The following PPP1R12A variants were observed in gnomAD, a reference collection of about 807,000 sequenced individuals.
PPP1R12A encodes the protein protein phosphatase 1 regulatory subunit 12A.
In PPP1R12A, 19 loss-of-function variants were observed where a neutral mutation model predicts 139.6. That is an observed-to-expected ratio of 0.14 (90% confidence interval 0.09 to 0.20). PPP1R12A has a LOEUF of 0.20. PPP1R12A is among the 10% of genes least tolerant of loss of function. The pLI is 1.00. For missense variants in PPP1R12A, 925 were observed against 1,211.5 expected (o/e 0.76, Z 3.51); for synonymous variants, 427 against 420.6 (o/e 1.02, Z -0.19).
chr12:79,828,540 G>A, intron 4 of PPP1R12A, 76 bp from the exon 5 acceptor site: 1 of 1,101,858 alleles, frequency 9.1e-7, no homozygotes, highest in Non-Finnish European at 1.2e-6. Flanking sequence ...TATCTATCAT[G>A]CAATTTAACT....
At chr12:79,922,914 A>G (rs760984423) in intron 1 of PPP1R12A, among the ~76,000 whole-genome samples, 6 of 151,746 alleles carry the variant, frequency 4.0e-5, no homozygotes, top group Non-Finnish European at 8.8e-5. Context: ...TGAGCAAAAC[A>G]TAAGATTGCA....
At chr12:79,805,560 A>G (rs746880605) in intron 14 of PPP1R12A, 32 bp downstream of exon 14, 11 of 1,591,274 alleles carry the variant, frequency 6.9e-6, no homozygotes, top group East Asian at 2.2e-5. Flanking sequence ...TGGGCAAGAT[A>G]TATCAGCAGT....
intron 2 of PPP1R12A, among the ~76,000 whole-genome samples, chr12:79,849,749 A>G (rs1476850498): frequency 6.6e-6 from 1 of 152,208 alleles, no homozygotes; most frequent in Non-Finnish European, 1.5e-5. Context: ...TTTCTTAACA[A>G]TACTTAGTAA....
Position 79,898,164 on chromosome 12 carries a change from A to C in PPP1R12A, c.238-25226T>G, listed in dbSNP as rs1347409245. On this transcript the variant is annotated intron_variant, in intron 1 of 24. Transcript: ENST00000450142. ...ATCCCACTTATAATAAATATCCAAT[A>C]GCTGGCCGGGCGCGGTGGCTCACGC... 2.0e-5 allele frequency among the ~76,000 whole-genome samples: 3 copies of C among 152,182 alleles called. No homozygotes were observed. The East Asian group carries it at 5.8e-4, about 29-fold the overall frequency.
chr12:79,852,364 T>A (rs1880155364), intron 2 of PPP1R12A, among the ~76,000 whole-genome samples: 1 of 151,902 alleles, frequency 6.6e-6, no homozygotes, highest in African/African-American at 2.4e-5. Context: ...CTAATTTTTT[T>A]TTTCTTTTTT....
At chr12:79,917,592 T>G (rs750395067) in intron 1 of PPP1R12A, among the ~76,000 whole-genome samples, 1 of 152,042 alleles carries the variant, frequency 6.6e-6, no homozygotes, top group African/African-American at 2.4e-5. Flanking sequence ...TAACCCAACC[T>G]TTCTGTACAC....
rs114145945 is a variant in PPP1R12A, at chr12:79,929,226, T to C, written c.237+5469A>G. Among the ~76,000 whole-genome samples the C allele has an allele frequency of 5.4e-3, 823 of 152,162 alleles. 5 individuals carry two copies. The highest frequency in any genetic ancestry group is 0.019 in the African/African-American group (782 of 41,516). On this transcript the variant is annotated intron_variant, in intron 1 of 24. Transcript: ENST00000450142. ...ATGCCGCTGCTGATCTGACAAGAGG[T>C]GGATTTCAGGCAGTAATGCTAGCTT...
Position 79,775,815 on chromosome 12 carries a change from G to T in PPP1R12A, c.*114C>A. On this transcript the variant is annotated 3_prime_UTR_variant, in exon 25 of 25. Coordinates refer to ENST00000450142, the MANE Select transcript of PPP1R12A (RefSeq NM_002480.3). ...TTCTAGATAAGAGGGCATTTGGCAGGATATCCGAAAATGACAGTCTCCAAG... is the reference window on the plus strand; with the variant it reads ...TTCTAGATAAGAGGGCATTTGGCAGTATATCCGAAAATGACAGTCTCCAAG... 3.4e-6 allele frequency: 2 copies of T among 586,214 alleles called. No homozygotes were observed. Among genetic ancestry groups the T allele is most frequent in the Non-Finnish European group, 5.4e-6 (2 of 366,978 alleles). The allele number at this position is 586,214 out of a possible 1,614,324, so 36.3% of individuals were successfully genotyped here.
rs925383648 is a variant in PPP1R12A at position 79,810,146 on chromosome 12, C to T, written c.1240-136G>A. ...GTTTCAGGATAAAACACTTTTACTACATAGGTTAATGTCTTAGTAAAAAAT... is the reference window on the plus strand; with the variant it reads ...GTTTCAGGATAAAACACTTTTACTATATAGGTTAATGTCTTAGTAAAAAAT... On this transcript the variant is annotated intron_variant, in intron 9 of 24. Transcript: ENST00000450142. 60 of 722,006 alleles carry T rather than the reference C, an allele frequency of 8.3e-5. 1 individual carries two copies. The Middle Eastern group carries it at 2.8e-3, about 34-fold the overall frequency. The allele number at this position is 722,006 out of a possible 1,614,324, so 44.7% of individuals were successfully genotyped here.
intron 1 of PPP1R12A, among the ~76,000 whole-genome samples, 162 bp downstream of exon 1, chr12:79,934,533 C>A (rs1459907456): frequency 6.6e-6 from 1 of 152,232 alleles, no homozygotes; most frequent in African/African-American, 2.4e-5. Context: ...CTCCCTTCCA[C>A]CAGCTCTCCC....
chr12:79,823,641 T>C (rs1247097380), intron 5 of PPP1R12A: 1 of 151,332 alleles, frequency 6.6e-6, no homozygotes, highest in Non-Finnish European at 1.5e-5. Flanking sequence ...TTACCAAGGT[T>C]GGAGTGCACT....
intron 5 of PPP1R12A, among the ~76,000 whole-genome samples, chr12:79,825,938 G>GA (rs539627908): frequency 2.0e-4 from 29 of 148,596 alleles, no homozygotes; most frequent in African/African-American, 5.7e-4. Context: ...CTTCTCAAAT[G>GA]AAAAAAAAAG....
At chr12:79,877,142 T>G (rs777482309) in intron 1 of PPP1R12A, among the ~76,000 whole-genome samples, 46 of 152,172 alleles carry the variant, frequency 3.0e-4, no homozygotes, top group Non-Finnish European at 3.5e-4. Flanking sequence ...GTCTTTATAT[T>G]TCAAGTGGAG....
At chr12:79,858,158 C>T (rs1160179377) in intron 2 of PPP1R12A, among the ~76,000 whole-genome samples, 1 of 152,046 alleles carries the variant, frequency 6.6e-6, no homozygotes, top group African/African-American at 2.4e-5. Context: ...TCCTATGGCC[C>T]ACATAACAAC....
intron 3 of PPP1R12A, among the ~76,000 whole-genome samples, chr12:79,842,392 A>G (rs1878832372): frequency 6.6e-6 from 1 of 152,194 alleles, no homozygotes; most frequent in African/African-American, 2.4e-5. Flanking sequence ...GAATTTATTT[A>G]CCTTCTATTC....
chr12:79,897,355 A>T (rs899334351), intron 1 of PPP1R12A, among the ~76,000 whole-genome samples: 1 of 152,140 alleles, frequency 6.6e-6, no homozygotes, highest in Non-Finnish European at 1.5e-5. Context: ...TGGGTACTGT[A>T]TTCATGGACA....
intron 2 of PPP1R12A, chr12:79,848,870 A>G (rs1016642906): frequency 1.3e-5 from 2 of 152,040 alleles, no homozygotes; most frequent in Non-Finnish European, 2.9e-5. Flanking sequence ...AGGGGTGAAA[A>G]AAGCAGAAAC....
chr12:79,930,515 G>A (rs1888171516), intron 1 of PPP1R12A, among the ~76,000 whole-genome samples: 1 of 152,188 alleles, frequency 6.6e-6, no homozygotes, highest in Non-Finnish European at 1.5e-5. Flanking sequence ...GCTCACGCCT[G>A]TAATCCCAGC....
chr12:79,886,024 C>T (rs115270653), intron 1 of PPP1R12A, among the ~76,000 whole-genome samples: 2 of 152,130 alleles, frequency 1.3e-5, no homozygotes, highest in Admixed American at 6.5e-5. Context: ...ATGACTCTTA[C>T]GACAAGCTCA....
Sources: allele counts gnomAD v4.1 joint callset (sites outside exome capture counted in the v4.1 genomes callset), GRCh38; gene constraint gnomAD v4.1.1; transcripts MANE v1.5; gene names NCBI Gene and HGNC (gene_info 2026-07-23, HGNC 2026-07-21).